Variants in TBC1D2B observed in about 807,000 individuals in gnomAD.
The protein encoded by TBC1D2B is TBC1 domain family, member 2B.
In TBC1D2B, 64 loss-of-function variants were observed where a neutral mutation model predicts 100.8. The ratio of observed to expected loss-of-function variants is 0.64; its 90% CI spans 0.52 to 0.78. The LOEUF is 0.78. Among genes scored for constraint, TBC1D2B ranks in the 30% least tolerant of loss-of-function variants. The probability of loss-of-function intolerance (pLI) is 0.00; values close to 1 mark genes in which losing one functional copy is unlikely to be tolerated. For synonymous variants in TBC1D2B, 480 were observed against 479.7 expected, an observed-to-expected ratio of 1.00 and a Z score of -0.01; for missense variants, 1,052 against 1,218.4, an observed-to-expected ratio of 0.86 and a Z score of 2.03.
intron 8 of TBC1D2B, among the ~76,000 whole-genome samples, chr15:78,014,944 G>A (rs1260376097): frequency 6.6e-6 from 1 of 152,196 alleles, no homozygotes; most frequent in Non-Finnish European, 1.5e-5. Context: ...GCTGACACCG[G>A]TAATCCCAGC....
chr15:78,012,779 A>G (rs771035314), intron 9 of TBC1D2B, 44 bp downstream of exon 9: 15 of 1,407,324 alleles, frequency 1.1e-5, no homozygotes, highest in Non-Finnish European at 4.6e-6. Flanking sequence ...GGTGCCTACA[A>G]GTTGCCTAAT....
intron 3 of TBC1D2B, among the ~76,000 whole-genome samples, chr15:78,044,696 T>C (rs963047646): frequency 6.6e-6 from 1 of 152,224 alleles, no homozygotes; most frequent in African/African-American, 2.4e-5. Context: ...ACCGTTTAAG[T>C]GTGAAACTGT....
At chr15:78,016,054 A>G (rs1321277220) in intron 8 of TBC1D2B, among the ~76,000 whole-genome samples, 1 of 152,198 alleles carries the variant, frequency 6.6e-6, no homozygotes, top group Non-Finnish European at 1.5e-5. Context: ...TCCTGGTTCA[A>G]GTATTTCATG....
intron 1 of TBC1D2B, among the ~76,000 whole-genome samples, chr15:78,054,961 G>C (rs1295337409): frequency 6.6e-6 from 1 of 152,014 alleles, no homozygotes; most frequent in Non-Finnish European, 1.5e-5. Context: ...AAAAAAAACT[G>C]GTACATCTAT....
chr15:78,045,176 A>G (rs1468450441), intron 2 of TBC1D2B, 108 bp from the exon 3 acceptor site: 2 of 989,538 alleles, frequency 2.0e-6, no homozygotes, highest in African/African-American at 3.3e-5. Flanking sequence ...TAAACTATGT[A>G]ATAGTATATT....
intron 12 of TBC1D2B, among the ~76,000 whole-genome samples, chr15:78,000,553 C>T (rs1051495572): frequency 6.6e-6 from 1 of 152,256 alleles, no homozygotes; most frequent in African/African-American, 2.4e-5. Flanking sequence ...GAAATCAGGG[C>T]ACTGTTGTTG....
chr15:78,024,370 T>C lies in TBC1D2B; in HGVS notation c.1256A>G (p.Lys419Arg). ...CCTTACTTCCTGCTGAAGACTCTCC[T>C]TCTCCAAGCTGAACCTCTCCAGCTG... Reference protein sequence around the residue: ...TSQLERFSLEKESLQQEVRTL... With the variant: ...TSQLERFSLERESLQQEVRTL... Residue 419 changes from lysine (K) to arginine (R), a missense_variant, in exon 6 of 13, where the codon AAG (lysine) becomes AGG (arginine). Physicochemically the swap from Lys to Arg is conservative, Grantham distance 26. Transcript: ENST00000300584. 1 of 1,614,068 alleles carries C rather than the reference T, an allele frequency of 6.2e-7. No individual in the cohort carries two copies. Among genetic ancestry groups the C allele is most frequent in the Non-Finnish European group, 8.5e-7 (1 of 1,179,904 alleles).
In TBC1D2B at chr15:78,054,133, A is replaced by C; in HGVS notation, c.415T>G (p.Trp139Gly). Reference protein sequence around the residue: ...YWLQELQQKRWEYCNSLDMVK... With the variant: ...YWLQELQQKRGEYCNSLDMVK... Reference sequence around the variant, plus strand: ...ATGTCAAGACTGTTACAATATTCCCATCTCTTCTGCTGAAGCTCCTGTAAC... The same window carrying C: ...ATGTCAAGACTGTTACAATATTCCCCTCTCTTCTGCTGAAGCTCCTGTAAC... The change falls in exon 2 of 13, where the codon TGG becomes GGG. Residue 139 changes from tryptophan to glycine, a missense_variant. Trp to Gly is a radical substitution (Grantham distance 184, BLOSUM62 -2). Around this residue, in one of 4 missense-constraint regions of TBC1D2B, gnomAD observed 627 missense variants for 646.1 expected, o/e 0.97. Coordinates refer to ENST00000300584, the MANE Select transcript of TBC1D2B (RefSeq NM_144572.2). 6.2e-7 allele frequency: 1 copy of C among 1,613,774 alleles called. No homozygotes were observed.
Position 78,054,127 on chromosome 15 carries a change from A to G in TBC1D2B, c.421T>C (p.Tyr141His). 9 of 1,613,872 alleles carry G rather than the reference A, an allele frequency of 5.6e-6. No homozygotes were observed. Among genetic ancestry groups the G allele is most frequent in the Non-Finnish European group, 6.8e-6 (8 of 1,179,828 alleles). The change falls in exon 2 of 13, where the codon TAT becomes CAT. Residue 141 changes from tyrosine to histidine, a missense_variant. By Grantham distance (83) the Tyr-to-His change is moderately conservative (BLOSUM62 2). Transcript: ENST00000300584. ...TTGACCATGTCAAGACTGTTACAATATTCCCATCTCTTCTGCTGAAGCTCC... is the reference window on the plus strand; with the variant it reads ...TTGACCATGTCAAGACTGTTACAATGTTCCCATCTCTTCTGCTGAAGCTCC... ...LQELQQKRWE[Y>H]CNSLDMVKWD...
At chr15:78,071,472 T>G (rs941496454) in intron 1 of TBC1D2B, among the ~76,000 whole-genome samples, 2 of 152,158 alleles carry the variant, frequency 1.3e-5, no homozygotes, top group African/African-American at 2.4e-5. Context: ...ACATAAAAAG[T>G]TTGCCTCTGC....
At chr15:78,042,306 T>C (rs1466007773) in intron 3 of TBC1D2B, among the ~76,000 whole-genome samples, 1 of 152,170 alleles carries the variant, frequency 6.6e-6, no homozygotes, top group African/African-American at 2.4e-5. Context: ...TATGAAAATC[T>C]GGCAAATCAA....
intron 1 of TBC1D2B, among the ~76,000 whole-genome samples, chr15:78,060,895 C>G (rs1014330007): frequency 1.3e-5 from 2 of 151,886 alleles, no homozygotes; most frequent in Non-Finnish European, 2.9e-5. Context: ...CCAGCCTGGG[C>G]AACAACAGTG....
In TBC1D2B at chr15:78,041,130, C is replaced by T. The variant is rs552416298; in HGVS notation, c.683+3770G>A. 2.8e-4 allele frequency among the ~76,000 whole-genome samples: 43 copies of T among 152,272 alleles called. No homozygotes were observed. In the South Asian group the frequency reaches 6.4e-3, roughly 23 times the overall value. ...TAAGTTTTTTTTCTTTGATTTTTCA[C>T]GATCATGTCACCCACATCCTCACAG... On this transcript the variant is annotated intron_variant, in intron 3 of 12. Transcript: ENST00000300584.
chr15:78,010,869 CG>C (rs1226994865), intron 9 of TBC1D2B, among the ~76,000 whole-genome samples: 2 of 151,992 alleles, frequency 1.3e-5, no homozygotes, highest in Non-Finnish European at 2.9e-5. Context: ...GTGGTGAGGG[CG>C]GAAGTGTAGA....
intron 3 of TBC1D2B, among the ~76,000 whole-genome samples, chr15:78,041,818 C>A (rs2073099316): frequency 6.6e-6 from 1 of 152,228 alleles, no homozygotes. Flanking sequence ...ATGAGCTGTG[C>A]CTCCACCAGC....
rs1365817313 is a variant in TBC1D2B at position 77,997,475 on chromosome 15, G to C, written c.*685C>G. 6.6e-6 allele frequency: 1 copy of C among 152,352 alleles called. No homozygotes were observed. Among genetic ancestry groups the C allele is most frequent in the Non-Finnish European group, 1.5e-5 (1 of 68,120 alleles). 9.4% of individuals were successfully genotyped at this position (152,352 alleles called of 1,614,324 possible). On this transcript the variant is annotated 3_prime_UTR_variant, in exon 13 of 13. Transcript: ENST00000300584. ...AACACAGGCTGGCCATGAGAAGTGA[G>C]GGTGGGTGTCTGGGCAGCCAGGCCC...
In TBC1D2B at chr15:78,044,332, C is replaced by T. The variant is rs377632761; in HGVS notation, c.683+568G>A. Among the ~76,000 whole-genome samples the T allele has an allele frequency of 1.6e-4, 24 of 152,252 alleles. No homozygotes were observed. The South Asian group carries it at 3.9e-3, about 25-fold the overall frequency. ...AACAAGTCAACCATAGTGGCACATG[C>T]CTGTAGTCCCAACTACTCAAGAGGC... On this transcript the variant is annotated intron_variant, in intron 3 of 12. Coordinates refer to ENST00000300584, the MANE Select transcript of TBC1D2B (RefSeq NM_144572.2).
In TBC1D2B at chr15:78,016,710, C is replaced by A; in HGVS notation, c.1611G>T (p.Gln537His). 1 of 1,574,232 alleles carries A rather than the reference C, an allele frequency of 6.4e-7. No homozygotes were observed. ...GCAATATCAGGTATTTACTTTCTATCTGGCAGAGCTTGGCTTCCAGGCTAG... is the reference window on the plus strand; with the variant it reads ...GCAATATCAGGTATTTACTTTCTATATGGCAGAGCTTGGCTTCCAGGCTAG... ...KYSSLEAKLC[Q>H]IESKYLILLQ... The change falls in exon 8 of 13, where the codon CAG (glutamine) becomes CAT (histidine). Residue 537 changes from glutamine to histidine, a missense_variant. This residue lies in a region of TBC1D2B where 373 missense variants were observed against 464.9 expected (regional missense o/e 0.80). Transcript: ENST00000300584.
At chr15:78,009,996 T>C (rs924102685) in intron 9 of TBC1D2B, among the ~76,000 whole-genome samples, 15 of 150,460 alleles carry the variant, frequency 1.0e-4, no homozygotes, top group African/African-American at 3.7e-4. Context: ...AAAAAAAAGA[T>C]TTTTGCAAAT....
Sources: allele counts gnomAD v4.1 joint callset (sites outside exome capture counted in the v4.1 genomes callset), GRCh38; gene constraint gnomAD v4.1.1; regional missense constraint gnomAD v4.1.1; transcripts MANE v1.5; gene names NCBI Gene and HGNC (gene_info 2026-07-23, HGNC 2026-07-21).